Variants in WDR7 observed in about 807,000 individuals in gnomAD.
WDR7 encodes WD repeat-containing protein 7.
A neutral mutation model predicts 169.4 loss-of-function variants in WDR7; 46 were observed. That is an observed-to-expected ratio of 0.27 (90% CI 0.21 to 0.35). WDR7 has a LOEUF of 0.35. WDR7 is among the 10% of genes least tolerant of loss of function. The pLI, the probability that WDR7 is intolerant of heterozygous loss-of-function variation, is 1.00. For missense variants in WDR7, 1,534 were observed against 1,859.3 expected, an observed-to-expected ratio of 0.83 and a Z score of 3.22; for synonymous variants, 612 against 666.8, an observed-to-expected ratio of 0.92 and a Z score of 1.27.
chr18:56,758,855 C>A lies in WDR7; in HGVS notation c.2760-10C>A, dbSNP rs770672397. The A allele has an allele frequency of 6.3e-7, 1 of 1,585,014 alleles. No individual in the cohort carries two copies. The highest frequency in any genetic ancestry group is 8.6e-7 in the Non-Finnish European group (1 of 1,169,324). On this transcript the variant is annotated splice_polypyrimidine_tract_variant and intron_variant, in intron 15 of 27. Coordinates refer to ENST00000254442, the MANE Select transcript of WDR7 (RefSeq NM_015285.3). Reference sequence around the variant, plus strand: ...AAAATATATCTTGTATTTTTTTCTTCTTTTTTAAGGCCACCTAGACCAAGC... The same window carrying A: ...AAAATATATCTTGTATTTTTTTCTTATTTTTTAAGGCCACCTAGACCAAGC...
chr18:56,915,678 G>A (rs1183817929), intron 21 of WDR7, among the ~76,000 whole-genome samples: 5 of 152,120 alleles, frequency 3.3e-5, no homozygotes, highest in African/African-American at 1.2e-4. Flanking sequence ...CCAGCAGACA[G>A]CAGTAATACT....
At chr18:56,884,171 A>G (rs940899298) in intron 21 of WDR7, among the ~76,000 whole-genome samples, 6 of 152,152 alleles carry the variant, frequency 3.9e-5, no homozygotes, top group Non-Finnish European at 7.3e-5. Context: ...CCACGACAAC[A>G]TCTATTATTT....
At chr18:56,688,732 G>GAA (rs200337025) in intron 7 of WDR7, among the ~76,000 whole-genome samples, 1 of 143,846 alleles carries the variant, frequency 7.0e-6, no homozygotes, top group East Asian at 2.0e-4. Context: ...CTGTCTTGGG[G>GAA]AAAAAAAAAA....
intron 20 of WDR7, among the ~76,000 whole-genome samples, chr18:56,845,825 CAAAG>C (rs931726360): frequency 1.3e-5 from 2 of 151,892 alleles, no homozygotes. Flanking sequence ...CAAGAATCGA[CAAAG>C]AAACAATTGT....
intron 25 of WDR7, among the ~76,000 whole-genome samples, chr18:56,943,371 C>G (rs1320598444): frequency 6.6e-6 from 1 of 150,512 alleles, no homozygotes; most frequent in Non-Finnish European, 1.5e-5. Flanking sequence ...TTCCTTTTAC[C>G]TTTTTTAAAA....
intron 20 of WDR7, among the ~76,000 whole-genome samples, chr18:56,867,191 A>AT (rs150997637): frequency 1.1e-4 from 17 of 151,556 alleles, no homozygotes; most frequent in Admixed American, 4.0e-4. Context: ...CACCTGGCTA[A>AT]TTTTTTTTAT....
chr18:56,677,850 C>G (rs2025274847), intron 2 of WDR7, among the ~76,000 whole-genome samples: 1 of 151,914 alleles, frequency 6.6e-6, no homozygotes, highest in Non-Finnish European at 1.5e-5. Context: ...AACTTTCTAC[C>G]CCTATCTCCT....
At chr18:56,691,077 G>A in intron 7 of WDR7, 139 bp from the exon 8 acceptor site, 1 of 1,237,812 alleles carries the variant, frequency 8.1e-7, no homozygotes, top group South Asian at 1.4e-5. Flanking sequence ...AGGGCTTATT[G>A]ACAAACTTTC....
At chr18:56,972,542 C>T (rs1383013341) in intron 26 of WDR7, among the ~76,000 whole-genome samples, 1 of 152,134 alleles carries the variant, frequency 6.6e-6, no homozygotes, top group Non-Finnish European at 1.5e-5. Flanking sequence ...TTTTCTGTGA[C>T]ATTCTGGAGC....
chr18:56,744,511 A>G (rs2043673340), intron 14 of WDR7, among the ~76,000 whole-genome samples: 1 of 152,106 alleles, frequency 6.6e-6, no homozygotes, highest in Non-Finnish European at 1.5e-5. Context: ...TGCAGACATA[A>G]AAGGGAATGG....
chr18:56,836,527 A>G (rs749980541), intron 20 of WDR7, among the ~76,000 whole-genome samples: 10 of 152,200 alleles, frequency 6.6e-5, no homozygotes, highest in Non-Finnish European at 1.5e-4. Context: ...CCATACTAGC[A>G]ATTGCTATTG....
At chr18:56,933,903 T>A (rs2046923721) in intron 22 of WDR7, among the ~76,000 whole-genome samples, 1 of 152,234 alleles carries the variant, frequency 6.6e-6, no homozygotes. Flanking sequence ...GTAGCGTGCC[T>A]TCCAGATCTA....
At chr18:56,875,770 A>C (rs2046013699) in intron 20 of WDR7, among the ~76,000 whole-genome samples, 1 of 152,190 alleles carries the variant, frequency 6.6e-6, no homozygotes, top group Non-Finnish European at 1.5e-5. Context: ...GCTTTACTTA[A>C]CTGTATTAAT....
At chr18:56,821,149 A>G (rs2045087890) in intron 20 of WDR7, among the ~76,000 whole-genome samples, 1 of 152,122 alleles carries the variant, frequency 6.6e-6, no homozygotes, top group African/African-American at 2.4e-5. Context: ...TGGAGCTTAC[A>G]TTTTCATGGA....
At chr18:56,831,833 A>G (rs138306907) in intron 20 of WDR7, among the ~76,000 whole-genome samples, 2,642 of 152,302 alleles carry the variant, frequency 0.017, 71 homozygotes, top group African/African-American at 0.058. Flanking sequence ...CATGGTCTTC[A>G]CAACCTGCAG....
intron 19 of WDR7, among the ~76,000 whole-genome samples, chr18:56,787,085 ATGTCTCTTATT>A (rs2044412407): frequency 6.6e-6 from 1 of 152,046 alleles, no homozygotes; most frequent in East Asian, 1.9e-4. Context: ...CCAGTTTTAT[ATGTCTCTTATT>A]TGTGATATTC....
intron 19 of WDR7, among the ~76,000 whole-genome samples, chr18:56,788,894 C>A (rs962237975): frequency 6.6e-6 from 1 of 152,144 alleles, no homozygotes; most frequent in East Asian, 1.9e-4. Flanking sequence ...AAAACTACTT[C>A]TGTGTGATAC....
chr18:56,754,516 A>G (rs1470170211), intron 14 of WDR7, among the ~76,000 whole-genome samples: 9 of 150,546 alleles, frequency 6.0e-5, no homozygotes, highest in African/African-American at 1.5e-4. Context: ...TGAAATTGGA[A>G]CCATAACTGG....
intron 13 of WDR7, among the ~76,000 whole-genome samples, chr18:56,722,437 C>G (rs748683629): frequency 6.6e-6 from 1 of 152,106 alleles, no homozygotes; most frequent in African/African-American, 2.4e-5. Context: ...GAAATTAGAT[C>G]TTACATTTGT....
Sources: allele counts gnomAD v4.1 joint callset (sites outside exome capture counted in the v4.1 genomes callset), GRCh38; gene constraint gnomAD v4.1.1; transcripts MANE v1.5; gene names NCBI Gene and HGNC (gene_info 2026-07-23, HGNC 2026-07-21).